Variants in RFX2 observed in about 807,000 individuals in gnomAD.
RFX2 encodes the protein regulatory factor X2.
A neutral mutation model predicts 87.8 loss-of-function variants in RFX2; 20 were observed. The ratio of observed to expected loss-of-function variants is 0.23; its 90% CI spans 0.16 to 0.33. The LOEUF (loss-of-function observed/expected upper bound fraction) is 0.33. Ranked by LOEUF, RFX2 falls within the 10% of genes least tolerant of loss-of-function variation. The probability of loss-of-function intolerance (pLI) is 1.00; values close to 1 mark genes in which losing one functional copy is unlikely to be tolerated. For synonymous variants in RFX2, 397 were observed against 431.3 expected (o/e 0.92, Z 0.98); for missense variants, 767 against 1,012.3 (o/e 0.76, Z 3.29).
rs989174240 is a variant in RFX2 at position 6,008,100 on chromosome 19, G to A, written c.1134+6C>T. 18 of 1,544,394 alleles carry A rather than the reference G, an allele frequency of 1.2e-5. No homozygotes were observed. The East Asian group carries it at 1.2e-4, about 10-fold the overall frequency. ...AGGAGCTGCCTGCCTGGGCTGGGGC[G>A]GTCACCTCGCAGTGCCGTCTGTACA... is the stretch of plus-strand genomic sequence containing the variant. On this transcript the variant is annotated splice_donor_region_variant and intron_variant, in intron 10 of 17. Coordinates refer to ENST00000303657, the MANE Select transcript of RFX2 (RefSeq NM_000635.4).
chr19:6,019,540 GTGTGTA>G (rs1332809100), intron 6 of RFX2, among the ~76,000 whole-genome samples: 27 of 146,300 alleles, frequency 1.8e-4, no homozygotes, highest in African/African-American at 6.1e-4. Context: ...GTGTGTGTGT[GTGTGTA>G]TATACTTTTA....
chr19:6,069,624 T>C (rs1030258574), intron 1 of RFX2, among the ~76,000 whole-genome samples: 1 of 152,166 alleles, frequency 6.6e-6, no homozygotes. Flanking sequence ...CAAAGAAGTA[T>C]AAGCAAGTGG....
chr19:6,094,155 T>A (rs1227242134), intron 1 of RFX2, among the ~76,000 whole-genome samples: 3 of 152,256 alleles, frequency 2.0e-5, no homozygotes, highest in Admixed American at 6.5e-5. Context: ...CTGTGAAATA[T>A]CTGAAACCAT....
At chr19:6,025,562 G>C (rs1381826192) in intron 6 of RFX2, among the ~76,000 whole-genome samples, 1 of 151,938 alleles carries the variant, frequency 6.6e-6, no homozygotes, top group East Asian at 1.9e-4. Context: ...TCACCTGCCA[G>C]GTATTGTTGA....
Position 6,002,798 on chromosome 19 carries a change from G to C in RFX2, c.1573C>G (p.Arg525Gly). The stretch of plus-strand genomic sequence containing the variant: ...TGGGACGTGTTCTGCAGCACCGCCC[G>C]GGCCGCCTGCGCCAGGTGGTTGAGG... ...TSLNHLAQAA[R>G]AVLQNTSQIN... Residue 525 changes from arginine to glycine, a missense_variant, in exon 14 of 18, where the codon CGG becomes GGG. By Grantham distance (125) the Arg-to-Gly change is moderately radical (BLOSUM62 -2). This residue lies in a region of RFX2 where 621 missense variants were observed against 873.0 expected (regional missense o/e 0.71). Transcript: ENST00000303657. The surrounding 1 kb of genome is among the most constrained non-coding windows in gnomAD (Gnocchi z 6.7). 1.2e-6 allele frequency: 2 copies of C among 1,613,796 alleles called. No individual in the cohort carries two copies. Among genetic ancestry groups the C allele is most frequent in the Non-Finnish European group, 1.7e-6 (2 of 1,179,900 alleles).
In RFX2 at chr19:6,007,619, G is replaced by T; in HGVS notation, c.1247+71C>A. The T allele has an allele frequency of 1.2e-6, 1 of 868,488 alleles. No individual in the cohort carries two copies. Among genetic ancestry groups the T allele is most frequent in the Non-Finnish European group, 1.9e-6 (1 of 529,638 alleles). 53.8% of individuals were successfully genotyped at this position (868,488 alleles called of 1,614,324 possible). A position where few individuals can be genotyped will look rare whatever the true frequency, so the allele number is the denominator to read the frequency against. ...TGGAGAGCTGAGGCTTTCGTTTGTGGGTTACCTGTGGACGTCAGCAGGGGG... is the reference window on the plus strand; with the variant it reads ...TGGAGAGCTGAGGCTTTCGTTTGTGTGTTACCTGTGGACGTCAGCAGGGGG... On this transcript the variant is annotated intron_variant, in intron 11 of 17. Coordinates refer to ENST00000303657, the MANE Select transcript of RFX2 (RefSeq NM_000635.4). This position sits in a 1 kb window ranked among gnomAD's most constrained non-coding sequence, Gnocchi z 8.2.
In RFX2 at chr19:6,047,424, C is replaced by A. The variant is rs752874715; in HGVS notation, c.73G>T (p.Val25Leu). ...ALRPSAAAPP[V>L]PASPQRVLVQ... ...CGCGTTACCTGCGGGGAGGCTGGCACAGGCGGGGCTGCCGCCGAGGGACGC... is the reference window on the plus strand; with the variant it reads ...CGCGTTACCTGCGGGGAGGCTGGCAAAGGCGGGGCTGCCGCCGAGGGACGC... The change falls in exon 2 of 18, where the codon GTG (valine) becomes TTG (leucine). Residue 25 changes from valine to leucine, a missense_variant. Physicochemically the swap from Val to Leu is conservative, Grantham distance 32. Coordinates refer to ENST00000303657, the MANE Select transcript of RFX2 (RefSeq NM_000635.4). The surrounding 1 kb of genome is among the most constrained non-coding windows in gnomAD (Gnocchi z 4.2). 6.3e-7 allele frequency: 1 copy of A among 1,597,850 alleles called. No homozygotes were observed. The highest frequency in any genetic ancestry group is 1.1e-5 in the South Asian group (1 of 89,426).
In RFX2 at chr19:6,102,386, GATGA is replaced by G; in HGVS notation, c.-9+8003_-9+8006del. 1.3e-5 allele frequency among the ~76,000 whole-genome samples: 2 copies of G among 152,312 alleles called. 1 individual carries two copies. Among genetic ancestry groups the G allele is most frequent in the Non-Finnish European group, 2.9e-5 (2 of 68,022 alleles). ...ATAGGCAATGAATAAATGAATGAAG[GATGA>G]ATGAATGAAGATTGTATGAATGAAT... On this transcript the variant is annotated intron_variant, in intron 1 of 17. Transcript: ENST00000303657.
intron 1 of RFX2, among the ~76,000 whole-genome samples, chr19:6,070,136 G>A (rs2087580661): frequency 7.9e-6 from 1 of 127,214 alleles, no homozygotes; most frequent in Non-Finnish European, 1.7e-5. Context: ...GGATGTGGAT[G>A]GGATGGGATG....
Position 6,044,123 on chromosome 19 carries a change from A to C in RFX2, c.180+70T>G. On this transcript the variant is annotated intron_variant, in intron 3 of 17. Coordinates refer to ENST00000303657, the MANE Select transcript of RFX2 (RefSeq NM_000635.4). The surrounding 1 kb of genome is among the most constrained non-coding windows in gnomAD (Gnocchi z 5.3). ...AGCCACAGAAAAGGATGCATCCTTC[A>C]GAGATTGTTCTGGATTGCTGAGTGC... The C allele has an allele frequency of 3.5e-5, 29 of 834,250 alleles. No homozygotes were observed. Among genetic ancestry groups the C allele is most frequent in the Middle Eastern group, 2.8e-4 (1 of 3,530 alleles). 51.7% of individuals were successfully genotyped at this position (834,250 alleles called of 1,614,324 possible).
chr19:6,098,122 G>A (rs1017892015), intron 1 of RFX2, among the ~76,000 whole-genome samples: 6 of 152,032 alleles, frequency 3.9e-5, no homozygotes, highest in Non-Finnish European at 4.4e-5. Context: ...GATAAATGAC[G>A]TCATACATGA....
rs754840235 is a variant in RFX2 at position 6,002,920 on chromosome 19, C to G, written c.1501-50G>C. ...CAGGGGTTCGCAGGGAGAGCCTGTTCCGCTGCGCTCCTTGCAGGGGTGTGT... is the reference window on the plus strand; with the variant it reads ...CAGGGGTTCGCAGGGAGAGCCTGTTGCGCTGCGCTCCTTGCAGGGGTGTGT... On this transcript the variant is annotated intron_variant, in intron 13 of 17. Transcript: ENST00000303657. The surrounding 1 kb of genome is among the most constrained non-coding windows in gnomAD (Gnocchi z 6.7). The G allele has an allele frequency of 9.0e-6, 14 of 1,557,946 alleles. No homozygotes were observed. The highest frequency in any genetic ancestry group is 1.2e-5 in the Non-Finnish European group (14 of 1,156,854).
At chr19:6,088,211 CTT>C (rs1030226963) in intron 1 of RFX2, among the ~76,000 whole-genome samples, 6,110 of 83,952 alleles carry the variant, frequency 0.073, 69 homozygotes, top group African/African-American at 0.085. Context: ...GGCACTACAG[CTT>C]TTTTTTTTTT....
Position 6,027,809 on chromosome 19 carries a change from G to A in RFX2, c.523-1572C>T, listed in dbSNP as rs1307788741. 1.3e-5 allele frequency among the ~76,000 whole-genome samples: 2 copies of A among 152,230 alleles called. No homozygotes were observed. The highest frequency in any genetic ancestry group is 3.8e-4 in the East Asian group (2 of 5,206). ...AGAGTCTTACTCTGTTTCCCAGGCT[G>A]GAGTGCAGTGATGTGATCTCGGCTC... is the stretch of plus-strand genomic sequence containing the variant. On this transcript the variant is annotated intron_variant, in intron 5 of 17. Coordinates refer to ENST00000303657, the MANE Select transcript of RFX2 (RefSeq NM_000635.4). The surrounding 1 kb of genome is among the most constrained non-coding windows in gnomAD (Gnocchi z 5.0).
intron 5 of RFX2, among the ~76,000 whole-genome samples, chr19:6,031,423 C>CTTTTTTTTTTTTTTTTTTTTTTTTTTTTT (rs58834364): frequency 2.2e-5 from 2 of 90,186 alleles, no homozygotes; most frequent in African/African-American, 4.2e-5. Context: ...TTCTCCTTCC[C>CTTTTTTTTTTTTTTTTTTTTTTTTTTTTT]TTTTTTTTTT....
intron 1 of RFX2, among the ~76,000 whole-genome samples, chr19:6,048,565 G>C (rs755690135): frequency 6.6e-6 from 1 of 152,170 alleles, no homozygotes; most frequent in East Asian, 1.9e-4. Context: ...CCAGTGTGGG[G>C]TCTCCATGGC....
rs138934774 is a variant in RFX2, at chr19:6,056,034, G to A, written c.-8-8530C>T. Among the ~76,000 whole-genome samples the A allele has an allele frequency of 0.01, 1,554 of 152,166 alleles. 15 individuals carry two copies. The highest frequency in any genetic ancestry group is 0.014 in the Non-Finnish European group (960 of 68,002). On this transcript the variant is annotated intron_variant, in intron 1 of 17. Transcript: ENST00000303657. The surrounding 1 kb of genome is among the most constrained non-coding windows in gnomAD (Gnocchi z 4.6). ...AATAGTGGGTGGGGGGGCAGGTGGC[G>A]GTGGGCGAGAGTGACTGGAAAGGGA...
rs944652440 is a variant in RFX2 at position 6,064,835 on chromosome 19, G to C, written c.-8-17331C>G. Reference sequence around the variant, plus strand: ...CCTACCTCCCCTCCAGTCGTGATTTGATTCTGGAATTTAAGAAGCGGAGAA... The same window carrying C: ...CCTACCTCCCCTCCAGTCGTGATTTCATTCTGGAATTTAAGAAGCGGAGAA... On this transcript the variant is annotated intron_variant, in intron 1 of 17. Transcript: ENST00000303657. This position sits in a 1 kb window ranked among gnomAD's most constrained non-coding sequence, Gnocchi z 4.8. Among the ~76,000 whole-genome samples, 4 of 152,174 alleles carry C rather than the reference G, an allele frequency of 2.6e-5. No homozygotes were observed. Among genetic ancestry groups the C allele is most frequent in the Admixed American group, 1.3e-4 (2 of 15,288 alleles).
At chr19:6,089,157 CAT>C (rs2087897823) in intron 1 of RFX2, among the ~76,000 whole-genome samples, 2 of 152,220 alleles carry the variant, frequency 1.3e-5, no homozygotes, top group South Asian at 4.1e-4. Context: ...TGTTTGGACT[CAT>C]GTCTTTAAAA....
Sources: allele counts gnomAD v4.1 joint callset (sites outside exome capture counted in the v4.1 genomes callset), GRCh38; gene constraint gnomAD v4.1.1; regional missense constraint gnomAD v4.1.1; non-coding constraint Gnocchi (gnomAD v3.1); transcripts MANE v1.5; gene names NCBI Gene and HGNC (gene_info 2026-07-23, HGNC 2026-07-21).